Variants in HSF5 observed in about 807,000 individuals in gnomAD.
HSF5 encodes the protein heat shock factor protein 5.
In HSF5, 5 loss-of-function variants were observed where a neutral mutation model predicts 50.8. The observed-to-expected ratio is 0.10, with a 90% confidence interval of 0.05 to 0.21. The LOEUF (loss-of-function observed/expected upper bound fraction) is 0.21, where lower values mean the gene tolerates loss of function less well. Ranked by LOEUF, HSF5 falls within the 10% of genes least tolerant of loss-of-function variation. The pLI, the probability that HSF5 is intolerant of heterozygous loss-of-function variation, is 1.00. For synonymous variants in HSF5, 307 were observed against 307.4 expected (o/e 1.00, Z 0.02); for missense variants, 564 against 762.6 (o/e 0.74, Z 3.07).
chr17:58,466,879 T>C lies in HSF5; in HGVS notation c.1020+6A>G, dbSNP rs2143788355. The stretch of plus-strand genomic sequence containing the variant: ...CGGAGCATGGCCACAGTTGCAAGAA[T>C]CTTACCTGGAAGTAGTTGCAGTGTG... On this transcript the variant is annotated splice_donor_region_variant and intron_variant, in intron 3 of 5. Coordinates refer to ENST00000323777, the MANE Select transcript of HSF5 (RefSeq NM_001080439.3). The C allele has an allele frequency of 1.3e-6, 2 of 1,561,500 alleles. No homozygotes were observed. Among genetic ancestry groups the C allele is most frequent in the East Asian group, 4.5e-5 (2 of 44,586 alleles).
At chr17:58,463,919 A>T (rs1000050063) in intron 3 of HSF5, among the ~76,000 whole-genome samples, 1 of 152,232 alleles carries the variant, frequency 6.6e-6, no homozygotes. Flanking sequence ...ACTGCTTTGC[A>T]GAGAGTAGGC....
At chr17:58,462,612 T>C (rs1974808276) in intron 4 of HSF5, among the ~76,000 whole-genome samples, 170 bp downstream of exon 4, 1 of 152,178 alleles carries the variant, frequency 6.6e-6, no homozygotes, top group Admixed American at 6.5e-5. Context: ...TTAAGGTAAC[T>C]TCTTTCTGAA....
At chr17:58,440,658 A>C (rs184193934) in intron 5 of HSF5, among the ~76,000 whole-genome samples, 1 of 152,348 alleles carries the variant, frequency 6.6e-6, no homozygotes, top group East Asian at 1.9e-4. Flanking sequence ...AACTCCATAT[A>C]CTGGAATTAC....
At chr17:58,483,462 T>C (rs1975128140) in intron 1 of HSF5, among the ~76,000 whole-genome samples, 1 of 152,238 alleles carries the variant, frequency 6.6e-6, no homozygotes, top group Non-Finnish European at 1.5e-5. Flanking sequence ...ATCACCTATA[T>C]GTCTTCAAAA....
At chr17:58,462,669 T>C (rs1004255043) in intron 4 of HSF5, 113 bp downstream of exon 4, 13 of 990,850 alleles carry the variant, frequency 1.3e-5, no homozygotes, top group Non-Finnish European at 1.9e-5. Context: ...GAAACCATAA[T>C]GAACTGGTAT....
chr17:58,481,619 A>G (rs549682657), intron 1 of HSF5, among the ~76,000 whole-genome samples: 6 of 152,394 alleles, frequency 3.9e-5, no homozygotes, highest in Admixed American at 3.3e-4. Context: ...TAACACTCAA[A>G]TATCTGCTTT....
intron 5 of HSF5, among the ~76,000 whole-genome samples, chr17:58,448,817 T>C (rs531133493): frequency 1.3e-5 from 2 of 152,212 alleles, no homozygotes; most frequent in East Asian, 1.9e-4. Context: ...AATACTGTAA[T>C]TGTGATATAT....
intron 5 of HSF5, among the ~76,000 whole-genome samples, chr17:58,452,014 G>A (rs1974648056): frequency 6.7e-6 from 1 of 150,334 alleles, no homozygotes; most frequent in African/African-American, 2.4e-5. Context: ...GTGAGACTGA[G>A]GCAGGAGGAT....
chr17:58,464,592 T>C (rs1016982052), intron 3 of HSF5, among the ~76,000 whole-genome samples: 2 of 152,212 alleles, frequency 1.3e-5, no homozygotes, highest in African/African-American at 4.8e-5. Flanking sequence ...TGTGTGCTTA[T>C]TGCTATTTTC....
chr17:58,448,133 C>CAAAAAAAAAAAAAAAAAAAAAAGGAA (rs33943640), intron 5 of HSF5, among the ~76,000 whole-genome samples: 1 of 82,040 alleles, frequency 1.2e-5, no homozygotes. Flanking sequence ...GAACCTGTCT[C>CAAAAAAAAAAAAAAAAAAAAAAGGAA]AAAAAAAAAA....
chr17:58,424,786 A>AAAAC (rs912279201), intron 5 of HSF5, among the ~76,000 whole-genome samples: 36 of 152,222 alleles, frequency 2.4e-4, no homozygotes, highest in African/African-American at 8.7e-4. Flanking sequence ...ACCCTGTCTC[A>AAAAC]AAACAAACAA....
intron 5 of HSF5, among the ~76,000 whole-genome samples, chr17:58,450,539 A>C (rs1028147799): frequency 6.6e-6 from 1 of 151,688 alleles, no homozygotes; most frequent in African/African-American, 2.4e-5. Context: ...GGATCACCTG[A>C]GGTCGGGAGT....
At chr17:58,424,807 A>G (rs1974273141) in intron 5 of HSF5, among the ~76,000 whole-genome samples, 1 of 152,176 alleles carries the variant, frequency 6.6e-6, no homozygotes. Context: ...ACAAACAAAC[A>G]AAATGGAGGA....
rs1160875788 is a variant in HSF5 at position 58,420,826 on chromosome 17, G to A, written c.*1534C>T. ...GAACCTACTTTAATATCTAAACAGAGTCACTGCAGATCAATACAGAGCTCA... is the reference window on the plus strand; with the variant it reads ...GAACCTACTTTAATATCTAAACAGAATCACTGCAGATCAATACAGAGCTCA... On this transcript the variant is annotated 3_prime_UTR_variant, in exon 6 of 6. Coordinates refer to ENST00000323777, the MANE Select transcript of HSF5 (RefSeq NM_001080439.3). 1 of 152,202 alleles carries A rather than the reference G, an allele frequency of 6.6e-6. No individual in the cohort carries two copies. The highest frequency in any genetic ancestry group is 1.5e-5 in the Non-Finnish European group (1 of 68,010). 9.4% of individuals were successfully genotyped at this position (152,202 alleles called of 1,614,324 possible). A position where few individuals can be genotyped will look rare whatever the true frequency, so the allele number is the denominator to read the frequency against.
rs1038747200 is a variant in HSF5 at position 58,420,872 on chromosome 17, T to C, written c.*1488A>G. ...GCTCACCCTTTTCCAGAAAAGTAGA[T>C]CTCTGTAATATTTCTAGGGTTTGAC... On this transcript the variant is annotated 3_prime_UTR_variant, in exon 6 of 6. Coordinates refer to ENST00000323777, the MANE Select transcript of HSF5 (RefSeq NM_001080439.3). The C allele has an allele frequency of 3.9e-5, 6 of 152,448 alleles. No individual in the cohort carries two copies. Among genetic ancestry groups the C allele is most frequent in the African/African-American group, 1.4e-4 (6 of 41,438 alleles). The allele number at this position is 152,448 out of a possible 1,614,324, so 9.4% of individuals were successfully genotyped here. A position where few individuals can be genotyped will look rare whatever the true frequency, so the allele number is the denominator to read the frequency against.
chr17:58,433,639 A>G (rs1264633473), intron 5 of HSF5, among the ~76,000 whole-genome samples: 1 of 152,232 alleles, frequency 6.6e-6, no homozygotes, highest in African/African-American at 2.4e-5. Flanking sequence ...ATGTTCCACA[A>G]GCCAGAAGAA....
At chr17:58,468,120 A>T (rs1184110479) in intron 2 of HSF5, among the ~76,000 whole-genome samples, 2 of 152,200 alleles carry the variant, frequency 1.3e-5, no homozygotes, top group African/African-American at 2.4e-5. Flanking sequence ...CAATACAGCG[A>T]GGCATGGTGG....
intron 5 of HSF5, among the ~76,000 whole-genome samples, chr17:58,452,742 C>T (rs1040529186): frequency 1.3e-5 from 2 of 152,270 alleles, no homozygotes; most frequent in Admixed American, 6.5e-5. Flanking sequence ...TGAGGAGCAC[C>T]TCTGCCTGGC....
intron 5 of HSF5, among the ~76,000 whole-genome samples, chr17:58,429,018 A>C (rs998881340): frequency 6.6e-6 from 1 of 152,250 alleles, no homozygotes; most frequent in Admixed American, 6.5e-5. Flanking sequence ...ATGGATAAAC[A>C]AATTGTGGTA....
Sources: gnomAD v4.1 joint callset for allele counts (sites outside exome capture counted in the v4.1 genomes callset) on GRCh38, gnomAD v4.1.1 for gene constraint, MANE v1.5 for transcripts, NCBI Gene and HGNC (gene_info 2026-07-23, HGNC 2026-07-21) for gene names.